ULK4: variants seen among roughly 807,000 people sequenced by gnomAD.
ULK4 encodes inactive serine/threonine-protein kinase ULK4.
Under a neutral mutation model 160.6 loss-of-function variants are expected in ULK4, and 133 were observed. That is an observed-to-expected ratio of 0.83 (90% CI 0.72 to 0.96). The LOEUF (loss-of-function observed/expected upper bound fraction) is 0.96. Among genes scored for constraint, ULK4 ranks in the 40% least tolerant of loss-of-function variants. ULK4 has a pLI of 0.00. For missense variants in ULK4, 1,580 were observed against 1,499.5 expected, an observed-to-expected ratio of 1.05 and a Z score of -0.89; for synonymous variants, 534 against 539.8, an observed-to-expected ratio of 0.99 and a Z score of 0.15.
At chr3:41,660,389 G>A (rs1016412655) in intron 30 of ULK4, among the ~76,000 whole-genome samples, 5 of 152,182 alleles carry the variant, frequency 3.3e-5, no homozygotes, top group Non-Finnish European at 7.3e-5. Context: ...CATAGGGGAA[G>A]ATGAGGAAAG....
At chr3:41,533,643 A>G (rs557351422) in intron 32 of ULK4, among the ~76,000 whole-genome samples, 29 of 152,294 alleles carry the variant, frequency 1.9e-4, no homozygotes, top group Admixed American at 1.6e-3. Context: ...TCACCATGCT[A>G]TGTTGGCAGA....
chr3:41,447,623 T>C (rs1355767160), intron 34 of ULK4, among the ~76,000 whole-genome samples: 3 of 152,170 alleles, frequency 2.0e-5, no homozygotes, highest in Non-Finnish European at 4.4e-5. Context: ...AAAAGGGTAA[T>C]GATGCTGTGG....
At chr3:41,772,236 G>A (rs557036344) in intron 21 of ULK4, among the ~76,000 whole-genome samples, 12 of 152,200 alleles carry the variant, frequency 7.9e-5, no homozygotes, top group South Asian at 4.2e-4. Flanking sequence ...AACTGAAGGA[G>A]ATAGAGACAC....
chr3:41,380,250 G>C (rs1477383585), intron 35 of ULK4, among the ~76,000 whole-genome samples: 2 of 152,160 alleles, frequency 1.3e-5, no homozygotes, highest in Non-Finnish European at 2.9e-5. Context: ...AATAGCAATG[G>C]AAAACTGAGG....
intron 32 of ULK4, among the ~76,000 whole-genome samples, chr3:41,543,316 G>T (rs755390029): frequency 6.6e-6 from 1 of 152,094 alleles, no homozygotes; most frequent in Non-Finnish European, 1.5e-5. Flanking sequence ...TGCACCTGAG[G>T]ATATGTACCC....
chr3:41,629,967 C>T (rs1462083733), intron 30 of ULK4, among the ~76,000 whole-genome samples: 1 of 152,158 alleles, frequency 6.6e-6, no homozygotes, highest in East Asian at 1.9e-4. Context: ...GATAATGCCA[C>T]TGCTCAATGT....
intron 17 of ULK4, among the ~76,000 whole-genome samples, chr3:41,856,844 A>G (rs1479375117): frequency 6.6e-6 from 1 of 151,764 alleles, no homozygotes; most frequent in Non-Finnish European, 1.5e-5. Context: ...GGGAGGCAGA[A>G]GTTGCAGTGA....
intron 35 of ULK4, among the ~76,000 whole-genome samples, chr3:41,282,897 C>T (rs1270375068): frequency 6.6e-6 from 1 of 152,054 alleles, no homozygotes; most frequent in African/African-American, 2.4e-5. Context: ...TTGCAATCTA[C>T]CTATCTGACA....
At chr3:41,669,584 A>G (rs1427520403) in intron 29 of ULK4, among the ~76,000 whole-genome samples, 1 of 152,182 alleles carries the variant, frequency 6.6e-6, no homozygotes, top group Admixed American at 6.5e-5. Context: ...TTAACACAGA[A>G]ATTCTATCCC....
At position 41,659,861 on chromosome 3, in the gene ULK4, T is replaced by C. The variant is rs578122544; in HGVS notation, c.3071+3746A>G. ...GAAAAGTTATAATACATCCATGCAA[T>C]GGAAGATCTTACCACTGTAAAACCC... On this transcript the variant is annotated intron_variant, in intron 30 of 36. Coordinates refer to ENST00000301831, the MANE Select transcript of ULK4 (RefSeq NM_017886.4). Among the ~76,000 whole-genome samples the C allele has an allele frequency of 3.3e-5, 5 of 152,214 alleles. No homozygotes were observed. In the South Asian group the frequency reaches 8.3e-4, roughly 25 times the overall value.
intron 22 of ULK4, among the ~76,000 whole-genome samples, chr3:41,750,499 T>G (rs996611570): frequency 6.6e-6 from 1 of 152,158 alleles, no homozygotes; most frequent in Admixed American, 6.5e-5. Flanking sequence ...CTCTCAAGTT[T>G]CCATGTCTTT....
rs1396848136 is a variant in ULK4, at chr3:41,463,151, G to C, written c.3329C>G (p.Ser1110Cys). 1.2e-6 allele frequency: 2 copies of C among 1,613,642 alleles called. No individual in the cohort carries two copies. The highest frequency in any genetic ancestry group is 1.7e-6 in the Non-Finnish European group (2 of 1,179,786). Residue 1110 changes from serine (S) to cysteine (C), a missense_variant, in exon 33 of 37, where the codon TCC (serine) becomes TGC (cysteine). Physicochemically the swap from Ser to Cys is moderately radical, Grantham distance 112. Transcript: ENST00000301831. ...CATGCTGTGCAAAATATCAAGCAGG[G>C]AAAAGAGCAGTGGAGCTGCCATCTC... ...NNEMAAPLLFSLLDILHSMLT... is the reference protein window; with the variant it reads ...NNEMAAPLLFCLLDILHSMLT...
intron 18 of ULK4, among the ~76,000 whole-genome samples, chr3:41,820,507 A>C (rs2041111469): frequency 6.6e-6 from 1 of 152,218 alleles, no homozygotes; most frequent in Non-Finnish European, 1.5e-5. Context: ...GGAGGCCATT[A>C]TCCTAAGCAA....
rs913023601 is a variant in ULK4, at chr3:41,648,678, C to G, written c.3071+14929G>C. On this transcript the variant is annotated intron_variant, in intron 30 of 36. Transcript: ENST00000301831. ...TCTTAACTTTCCAGCTCAATTACCC[C>G]TCTCCACTTGTGACACTTCTCTTCT... 3.3e-5 allele frequency among the ~76,000 whole-genome samples: 5 copies of G among 152,304 alleles called. No individual in the cohort carries two copies. In the South Asian group the frequency reaches 1.0e-3, roughly 32 times the overall value.
At chr3:41,639,932 T>C (rs553956548) in intron 30 of ULK4, among the ~76,000 whole-genome samples, 36 of 152,202 alleles carry the variant, frequency 2.4e-4, no homozygotes, top group Non-Finnish European at 5.0e-4. Context: ...GGTAAAGAAA[T>C]AGAAAACTGT....
intron 32 of ULK4, among the ~76,000 whole-genome samples, chr3:41,557,437 C>G (rs1211041790): frequency 6.6e-6 from 1 of 151,818 alleles, no homozygotes; most frequent in Non-Finnish European, 1.5e-5. Context: ...ATTGCATATA[C>G]AGAAATCAAA....
At chr3:41,918,033 A>G (rs535886851) in intron 7 of ULK4, among the ~76,000 whole-genome samples, 6 of 149,386 alleles carry the variant, frequency 4.0e-5, no homozygotes, top group African/African-American at 1.3e-4. Context: ...ATAAATAAAT[A>G]AAGATTTTTA....
At chr3:41,934,657 T>C (rs531953823) in intron 4 of ULK4, among the ~76,000 whole-genome samples, 2 of 152,324 alleles carry the variant, frequency 1.3e-5, no homozygotes, top group South Asian at 4.1e-4. Context: ...ACATGGCTTC[T>C]AAGTGTTAGT....
In ULK4 at chr3:41,755,157, A is replaced by C. The variant is rs1363858373; in HGVS notation, c.2194-669T>G. Reference sequence around the variant, plus strand: ...ACATGGTTAACGAATGTAAGTAGTCAGAAATACGGAATCGTAATATCAGCA... The same window carrying C: ...ACATGGTTAACGAATGTAAGTAGTCCGAAATACGGAATCGTAATATCAGCA... On this transcript the variant is annotated intron_variant, in intron 21 of 36. Coordinates refer to ENST00000301831, the MANE Select transcript of ULK4 (RefSeq NM_017886.4). Among the ~76,000 whole-genome samples, 14 of 152,314 alleles carry C rather than the reference A, an allele frequency of 9.2e-5. 2 individuals carry two copies. Among genetic ancestry groups the C allele is most frequent in the Middle Eastern group, 6.8e-3 (2 of 294 alleles).
Sources: gnomAD v4.1 joint callset for allele counts (sites outside exome capture counted in the v4.1 genomes callset) on GRCh38, gnomAD v4.1.1 for gene constraint, MANE v1.5 for transcripts, NCBI Gene and HGNC (gene_info 2026-07-23, HGNC 2026-07-21) for gene names.